Variants in SPTB observed in about 807,000 individuals in gnomAD.
The protein encoded by SPTB is spectrin beta chain, erythrocytic.
SPTB carries 45 observed loss-of-function variants against 256.2 expected under a neutral mutation model. The ratio of observed to expected loss-of-function variants is 0.18; its 90% confidence interval spans 0.14 to 0.23. The LOEUF is 0.23. Ranked by LOEUF, SPTB falls within the 10% of genes least tolerant of loss-of-function variation. SPTB has a pLI of 1.00. For synonymous variants in SPTB, 1,231 were observed against 1,243.1 expected (o/e 0.99, Z 0.21); for missense variants, 2,715 against 3,040.4 (o/e 0.89, Z 2.52).
Position 64,786,706 on chromosome 14 carries a change from C to T in SPTB, c.3259G>A (p.Glu1087Lys). The T allele has an allele frequency of 6.2e-7, 1 of 1,614,138 alleles. No individual in the cohort carries two copies. The highest frequency in any genetic ancestry group is 8.5e-7 in the Non-Finnish European group (1 of 1,179,992). ...LSITQKAVAS[E>K]DMPESLPEAE... ...TCTGGGAGGGATTCGGGCATGTCCT[C>T]AGAGGCCACAGCCTTCTGGGTGATG... Residue 1087 changes from glutamate to lysine, a missense_variant, in exon 16 of 36, where the codon GAG becomes AAG. This residue lies in a region of SPTB where 2,239 missense variants were observed against 2,384.4 expected (regional missense o/e 0.94). Transcript: ENST00000644917. This position sits in a 1 kb window ranked among gnomAD's most constrained non-coding sequence, Gnocchi z 5.6.
At position 64,778,789 on chromosome 14, in the gene SPTB, T is replaced by A. The variant is rs1566751331; in HGVS notation, c.4563+368A>T. On this transcript the variant is annotated intron_variant, in intron 22 of 35. Transcript: ENST00000644917. This position sits in a 1 kb window ranked among gnomAD's most constrained non-coding sequence, Gnocchi z 5.2. ...GCAAGGCAGTGTTGTGGGAGAGAGA[T>A]CAGGAGTTACTGCCCTCCTCTCAGG... Among the ~76,000 whole-genome samples the A allele has an allele frequency of 6.6e-6, 1 of 152,068 alleles. No homozygotes were observed.
At position 64,852,326 on chromosome 14, in the gene SPTB, T is replaced by C. The variant is rs2083801161; in HGVS notation, c.-52+27466A>G. ...GATGGAAGAAACAGCCTGGAGATCCTGGGAAACTGCTACCAGTTCAGAGAG... is the reference window on the plus strand; with the variant it reads ...GATGGAAGAAACAGCCTGGAGATCCCGGGAAACTGCTACCAGTTCAGAGAG... On this transcript the variant is annotated intron_variant, in intron 1 of 35. Coordinates refer to ENST00000644917, the MANE Select transcript of SPTB (RefSeq NM_001355436.2). This position sits in a 1 kb window ranked among gnomAD's most constrained non-coding sequence, Gnocchi z 4.2. Among the ~76,000 whole-genome samples, 1 of 152,022 alleles carries C rather than the reference T, an allele frequency of 6.6e-6. No individual in the cohort carries two copies. Among genetic ancestry groups the C allele is most frequent in the Non-Finnish European group, 1.5e-5 (1 of 67,986 alleles).
At position 64,807,060 on chromosome 14, in the gene SPTB, T is replaced by G. The variant is rs1212867654; in HGVS notation, c.149-1970A>C. Among the ~76,000 whole-genome samples the G allele has an allele frequency of 6.6e-6, 1 of 152,178 alleles. No homozygotes were observed. Among genetic ancestry groups the G allele is most frequent in the Non-Finnish European group, 1.5e-5 (1 of 68,040 alleles). ...TGATGCCATACTGGACGGAAAGCAA[T>G]TGCACTTATTTTGGGGCATTTTTAG... On this transcript the variant is annotated intron_variant, in intron 2 of 35. Coordinates refer to ENST00000644917, the MANE Select transcript of SPTB (RefSeq NM_001355436.2). This position sits in a 1 kb window ranked among gnomAD's most constrained non-coding sequence, Gnocchi z 4.7.
At chr14:64,828,668 T>G (rs2083408438) in intron 1 of SPTB, among the ~76,000 whole-genome samples, 1 of 152,242 alleles carries the variant, frequency 6.6e-6, no homozygotes, top group South Asian at 2.1e-4. Context: ...CAGTCCTACC[T>G]CCTCTTATCT....
In SPTB at chr14:64,795,190, T is replaced by G. The variant is rs2082743901; in HGVS notation, c.1644+147A>C. On this transcript the variant is annotated intron_variant, in intron 12 of 35. Coordinates refer to ENST00000644917, the MANE Select transcript of SPTB (RefSeq NM_001355436.2). This position sits in a 1 kb window ranked among gnomAD's most constrained non-coding sequence, Gnocchi z 6.5. ...CAAGAGGCAGAGAGGCAGGTGCAGC[T>G]AGACACTTTGCTGCCTCAGTTTCTC... The G allele has an allele frequency of 1.1e-6, 1 of 934,444 alleles. No individual in the cohort carries two copies. Among genetic ancestry groups the G allele is most frequent in the South Asian group, 1.6e-5 (1 of 61,352 alleles). The allele number at this position is 934,444 out of a possible 1,614,324, so 57.9% of individuals were successfully genotyped here.
Position 64,749,377 on chromosome 14 carries a change from A to C in SPTB, c.6916T>G (p.Ser2306Ala), listed in dbSNP as rs758529551. The C allele has an allele frequency of 1.9e-6, 3 of 1,610,252 alleles. No individual in the cohort carries two copies. In the South Asian group the frequency reaches 3.3e-5, roughly 18 times the overall value. Residue 2306 changes from serine to alanine, a missense_variant, in exon 36 of 36, where the codon TCC becomes GCC. Ser to Ala is a moderately conservative substitution (Grantham distance 99). Coordinates refer to ENST00000644917, the MANE Select transcript of SPTB (RefSeq NM_001355436.2). This position sits in a 1 kb window ranked among gnomAD's most constrained non-coding sequence, Gnocchi z 4.7. ...KAQSLPLPSLSGPDASLGKKD... is the reference protein window; with the variant it reads ...KAQSLPLPSLAGPDASLGKKD... Reference sequence around the variant, plus strand: ...TTGCCGAGGCTGGCGTCGGGGCCGGAGAGGGAAGGCAGGGGCAGGCTCTGC... The same window carrying C: ...TTGCCGAGGCTGGCGTCGGGGCCGGCGAGGGAAGGCAGGGGCAGGCTCTGC...
Position 64,749,956 on chromosome 14 carries a change from C to T in SPTB, c.6776+25G>A. On this transcript the variant is annotated intron_variant, in intron 34 of 35. Transcript: ENST00000644917. This position sits in a 1 kb window ranked among gnomAD's most constrained non-coding sequence, Gnocchi z 4.7. Reference sequence around the variant, plus strand: ...TGCCAAATCAAGCCATCAACCCGAGCTTTCAAAGGCCAGGAAGGCCTCACC... The same window carrying T: ...TGCCAAATCAAGCCATCAACCCGAGTTTTCAAAGGCCAGGAAGGCCTCACC... 1 of 1,614,198 alleles carries T rather than the reference C, an allele frequency of 6.2e-7. No individual in the cohort carries two copies. The highest frequency in any genetic ancestry group is 8.5e-7 in the Non-Finnish European group (1 of 1,180,030).
At chr14:64,834,052 A>T (rs1311368942) in intron 1 of SPTB, among the ~76,000 whole-genome samples, 1 of 152,054 alleles carries the variant, frequency 6.6e-6, no homozygotes, top group Non-Finnish European at 1.5e-5. Context: ...TTTAAAACGG[A>T]GTCTCACTCT....
At chr14:64,810,402 G>A (rs1425799490) in intron 2 of SPTB, among the ~76,000 whole-genome samples, 2 of 152,122 alleles carry the variant, frequency 1.3e-5, no homozygotes, top group Non-Finnish European at 2.9e-5. Context: ...AATCAGGCTG[G>A]GCGTGGTGGC....
At position 64,757,774 on chromosome 14, in the gene SPTB, A is replaced by AG. The variant is rs2082036239; in HGVS notation, c.6346-3982dup. On this transcript the variant is annotated intron_variant, in intron 32 of 35. Transcript: ENST00000644917. The stretch of plus-strand genomic sequence containing the variant: ...CCCAGGAGGCTGGCCAACTCCCTGG[A>AG]GGGGGACAAGGAGGAAGAACCAAGA... Among the ~76,000 whole-genome samples the AG allele has an allele frequency of 2.6e-5, 4 of 152,206 alleles. No individual in the cohort carries two copies. The South Asian group carries it at 8.3e-4, about 32-fold the overall frequency.
chr14:64,796,860 A>G lies in SPTB; in HGVS notation c.1183-145T>C. 1.9e-6 allele frequency: 2 copies of G among 1,079,812 alleles called. No individual in the cohort carries two copies. Among genetic ancestry groups the G allele is most frequent in the Non-Finnish European group, 2.7e-6 (2 of 750,348 alleles). The allele number at this position is 1,079,812 out of a possible 1,614,324, so 66.9% of individuals were successfully genotyped here. On this transcript the variant is annotated intron_variant, in intron 10 of 35. Coordinates refer to ENST00000644917, the MANE Select transcript of SPTB (RefSeq NM_001355436.2). This position sits in a 1 kb window ranked among gnomAD's most constrained non-coding sequence, Gnocchi z 4.1. The stretch of plus-strand genomic sequence containing the variant: ...TGGGTGACGTGGTAGCAGATTAAAG[A>G]TCAATAAAAGCCTTTGGCTTTCATG...
intron 32 of SPTB, chr14:64,754,290 C>G: frequency 4.3e-6 from 1 of 230,364 alleles, no homozygotes; most frequent in Non-Finnish European, 8.7e-6. Context: ...GTGCCTAAAG[C>G]CCTAAAACTA....
chr14:64,786,110 C>A lies in SPTB; in HGVS notation c.3562-159G>T, dbSNP rs1430534443. On this transcript the variant is annotated intron_variant, in intron 16 of 35. Coordinates refer to ENST00000644917, the MANE Select transcript of SPTB (RefSeq NM_001355436.2). The surrounding 1 kb of genome is among the most constrained non-coding windows in gnomAD (Gnocchi z 5.6). ...AGGCACTACTCCCCAGGCCTTGCCC[C>A]CACCCCTACCCCAGGGGCACACAAT... is the stretch of plus-strand genomic sequence containing the variant. Among the ~76,000 whole-genome samples, 1 of 152,072 alleles carries A rather than the reference C, an allele frequency of 6.6e-6. No individual in the cohort carries two copies. The highest frequency in any genetic ancestry group is 1.5e-5 in the Non-Finnish European group (1 of 68,018).
At chr14:64,838,025 C>T (rs1431976454) in intron 1 of SPTB, among the ~76,000 whole-genome samples, 1 of 152,110 alleles carries the variant, frequency 6.6e-6, no homozygotes, top group East Asian at 1.9e-4. Context: ...CAAGACTTAC[C>T]ACAAAGCTAC....
At chr14:64,822,876 A>G in intron 2 of SPTB, 71 bp downstream of exon 2, 1 of 1,597,712 alleles carries the variant, frequency 6.3e-7, no homozygotes, top group Non-Finnish European at 8.6e-7. Context: ...GAGGATTCAC[A>G]CTAGGTGGGG....
intron 33 of SPTB, 92 bp downstream of exon 33, chr14:64,753,445 A>G: frequency 6.3e-7 from 1 of 1,595,656 alleles, no homozygotes; most frequent in Non-Finnish European, 8.5e-7. Context: ...CCCCTCCCCC[A>G]GCACATGCCC....
chr14:64,753,639 G>A lies in SPTB; in HGVS notation c.6500C>T (p.Ala2167Val), dbSNP rs1256752154. The A allele has an allele frequency of 6.2e-7, 1 of 1,613,694 alleles. No individual in the cohort carries two copies. The highest frequency in any genetic ancestry group is 2.2e-5 in the East Asian group (1 of 44,872). The change falls in exon 33 of 36, where the codon GCA becomes GTA. Residue 2167 changes from alanine to valine, a missense_variant. Transcript: ENST00000644917. ...DTPLSEGDEP[A>V]TLPAPRDHGQ... The stretch of plus-strand genomic sequence containing the variant: ...ATGGTCCCGCGGGGCCGGCAGCGTT[G>A]CGGGCTCATCACCCTCGCTCAGAGG...
chr14:64,846,250 T>C (rs1290989518), intron 1 of SPTB, among the ~76,000 whole-genome samples: 1 of 152,192 alleles, frequency 6.6e-6, no homozygotes, highest in Non-Finnish European at 1.5e-5. Flanking sequence ...AGTGGACTCA[T>C]TCACCTTAAA....
At chr14:64,839,129 T>C (rs2083567958) in intron 1 of SPTB, among the ~76,000 whole-genome samples, 1 of 152,128 alleles carries the variant, frequency 6.6e-6, no homozygotes, top group African/African-American at 2.4e-5. Flanking sequence ...TGAAACTCTG[T>C]CAAAAAATAA....
Sources: allele counts gnomAD v4.1 joint callset (sites outside exome capture counted in the v4.1 genomes callset), GRCh38; gene constraint gnomAD v4.1.1; regional missense constraint gnomAD v4.1.1; non-coding constraint Gnocchi (gnomAD v3.1); transcripts MANE v1.5; gene names NCBI Gene and HGNC (gene_info 2026-07-23, HGNC 2026-07-21).